TTC21B: variants seen among roughly 807,000 people sequenced by gnomAD.
The protein encoded by TTC21B is tetratricopeptide repeat protein 21B.
In TTC21B, 127 loss-of-function variants were observed where a neutral mutation model predicts 175.1. That is an observed-to-expected ratio of 0.73 (90% CI 0.63 to 0.84). The LOEUF (loss-of-function observed/expected upper bound fraction) is 0.84, where lower values mean the gene tolerates loss of function less well. Among genes scored for constraint, TTC21B ranks in the 40% least tolerant of loss-of-function variants. The pLI is 0.00. For synonymous variants in TTC21B, 524 were observed against 524.5 expected, an observed-to-expected ratio of 1.00 and a Z score of 0.01; for missense variants, 1,561 against 1,558.3, an observed-to-expected ratio of 1.00 and a Z score of -0.03.
At chr2:165,910,219 T>C (rs1041171684) in intron 18 of TTC21B, among the ~76,000 whole-genome samples, 1 of 151,910 alleles carries the variant, frequency 6.6e-6, no homozygotes. Flanking sequence ...CTGGCTAACA[T>C]GGTGAAAACT....
intron 27 of TTC21B, among the ~76,000 whole-genome samples, chr2:165,876,619 C>G (rs560853699): frequency 2.6e-5 from 4 of 152,334 alleles, no homozygotes; most frequent in African/African-American, 9.6e-5. Context: ...AGCACTTACA[C>G]AGGCAAACTG....
intron 26 of TTC21B, among the ~76,000 whole-genome samples, chr2:165,881,763 A>G (rs1684843964): frequency 6.6e-6 from 1 of 152,074 alleles, no homozygotes; most frequent in African/African-American, 2.4e-5. Context: ...ATATTTCTTA[A>G]TTGTAATTTT....
chr2:165,949,512 T>C lies in TTC21B; in HGVS notation c.152-8A>G. ...GAGCTTCTTGAGTTTTACCTGAAAA[T>C]CAAGATTATGATATGAAAAACTGTT... On this transcript the variant is annotated splice_region_variant and splice_polypyrimidine_tract_variant and intron_variant, in intron 2 of 28. Coordinates refer to ENST00000243344, the MANE Select transcript of TTC21B (RefSeq NM_024753.5). 1 of 1,613,612 alleles carries C rather than the reference T, an allele frequency of 6.2e-7. No individual in the cohort carries two copies. The highest frequency in any genetic ancestry group is 1.3e-5 in the African/African-American group (1 of 75,018).
At position 165,931,849 on chromosome 2, in the gene TTC21B, G is replaced by A. The variant is rs1443394764; in HGVS notation, c.803C>T (p.Thr268Ile). The A allele has an allele frequency of 6.2e-7, 1 of 1,612,068 alleles. No homozygotes were observed. Among genetic ancestry groups the A allele is most frequent in the Admixed American group, 1.7e-5 (1 of 59,938 alleles). ...CREGDIEKAS[T>I]KLENLGNTLD... Reference sequence around the variant, plus strand: ...TGTATTTCCCAAGTTTTCCAGCTTGGTGGAAGCCTAAAACAAAAGGAACTG... The same window carrying A: ...TGTATTTCCCAAGTTTTCCAGCTTGATGGAAGCCTAAAACAAAAGGAACTG... Residue 268 changes from threonine to isoleucine, a missense_variant, in exon 8 of 29, where the codon ACC (threonine) becomes ATC (isoleucine). Transcript: ENST00000243344.
chr2:165,940,920 A>G, intron 6 of TTC21B, 107 bp downstream of exon 6: 1 of 1,276,634 alleles, frequency 7.8e-7, no homozygotes, highest in Non-Finnish European at 1.1e-6. Context: ...ACACTGTTTG[A>G]AAAAAATCAA....
Position 165,883,955 on chromosome 2 carries a change from G to T in TTC21B, c.3523C>A (p.Arg1175=). 8 of 1,614,024 alleles carry T rather than the reference G, an allele frequency of 5.0e-6. No individual in the cohort carries two copies. The highest frequency in any genetic ancestry group is 5.9e-6 in the Non-Finnish European group (7 of 1,179,994). Residue 1175 remains arginine, a synonymous_variant, in exon 26 of 29, where the codon CGA becomes AGA. Coordinates refer to ENST00000243344, the MANE Select transcript of TTC21B (RefSeq NM_024753.5). ...ATACGCTTCAGCTGGTTTCTGGCTC[G>T]TGGAGTCTGTTTCAAGATCATATAA... ...TAYMILKQTP[R]ARNQLKRIAK...
chr2:165,917,203 T>C (rs1686206790), intron 14 of TTC21B, 54 bp downstream of exon 14: 1 of 1,499,898 alleles, frequency 6.7e-7, no homozygotes, highest in Non-Finnish European at 9.3e-7. Flanking sequence ...TACTAATATA[T>C]ATGTTAGAAT....
Position 165,890,651 on chromosome 2 carries a change from G to A in TTC21B, c.3102-11C>T, listed in dbSNP as rs1220728188. 1 of 1,612,344 alleles carries A rather than the reference G, an allele frequency of 6.2e-7. No individual in the cohort carries two copies. The highest frequency in any genetic ancestry group is 8.5e-7 in the Non-Finnish European group (1 of 1,178,758). On this transcript the variant is annotated splice_polypyrimidine_tract_variant and intron_variant, in intron 23 of 28. Transcript: ENST00000243344. ...GGTTCTCCAGTGTACCTTGTTAGAT[G>A]TTTAAAAGAATTATTTATTTCAATC...
chr2:165,952,839 G>A (rs997320098), intron 1 of TTC21B, among the ~76,000 whole-genome samples: 1 of 152,170 alleles, frequency 6.6e-6, no homozygotes, highest in African/African-American at 2.4e-5. Flanking sequence ...CTACTCAAAT[G>A]TAAGCTCCAA....
At chr2:165,921,958 T>C (rs1335471574) in intron 12 of TTC21B, among the ~76,000 whole-genome samples, 4 of 152,038 alleles carry the variant, frequency 2.6e-5, no homozygotes, top group African/African-American at 7.2e-5. Context: ...CATAGTCTTT[T>C]ATCCCTCCCT....
At chr2:165,909,686 C>T (rs1685863335) in intron 18 of TTC21B, among the ~76,000 whole-genome samples, 1 of 152,110 alleles carries the variant, frequency 6.6e-6, no homozygotes, top group Admixed American at 6.6e-5. Flanking sequence ...CTAGGAAGTA[C>T]AGAGAGGTAT....
intron 6 of TTC21B, among the ~76,000 whole-genome samples, chr2:165,934,536 C>G (rs1475525995): frequency 1.1e-5 from 1 of 92,238 alleles, no homozygotes; most frequent in Non-Finnish European, 2.2e-5. Flanking sequence ...AGAAACGAAA[C>G]ATGATGGAGA....
chr2:165,915,268 T>C lies in TTC21B; in HGVS notation c.2071A>G (p.Arg691Gly). 6.2e-7 allele frequency: 1 copy of C among 1,614,178 alleles called. No individual in the cohort carries two copies. Among genetic ancestry groups the C allele is most frequent in the Non-Finnish European group, 8.5e-7 (1 of 1,180,000 alleles). The change falls in exon 15 of 29, where the codon AGA becomes GGA. Residue 691 changes from arginine (R) to glycine (G), a missense_variant. By Grantham distance (125) the Arg-to-Gly change is moderately radical. Coordinates refer to ENST00000243344, the MANE Select transcript of TTC21B (RefSeq NM_024753.5). ...AGATAAATATCTGCCATTTTTTCTCTGGCCTCTATAAAATAAGGCTGTTCG... is the reference window on the plus strand; with the variant it reads ...AGATAAATATCTGCCATTTTTTCTCCGGCCTCTATAAAATAAGGCTGTTCG... Reference protein sequence around the residue: ...TAEQPYFIEAREKMADIYLKH... With the variant: ...TAEQPYFIEAGEKMADIYLKH...
chr2:165,933,168 A>T, intron 6 of TTC21B, 111 bp from the exon 7 acceptor site: 2 of 774,352 alleles, frequency 2.6e-6, no homozygotes, highest in Non-Finnish European at 4.2e-6. Context: ...CAAATAAGTA[A>T]TTTTCACTAG....
At chr2:165,901,937 T>TAA (rs79777167) in intron 19 of TTC21B, 27 bp from the exon 20 acceptor site, 168 of 1,282,334 alleles carry the variant, frequency 1.3e-4, no homozygotes, top group African/African-American at 1.9e-4. Context: ...TAAAAGGGAA[T>TAA]AAAAAAAAAA....
chr2:165,882,722 C>A (rs1250611014), intron 26 of TTC21B, among the ~76,000 whole-genome samples: 1 of 152,178 alleles, frequency 6.6e-6, no homozygotes, highest in Non-Finnish European at 1.5e-5. Flanking sequence ...ACCAGCAGGG[C>A]TGAATGAAGC....
At chr2:165,875,244 T>C (rs1684628350) in intron 28 of TTC21B, among the ~76,000 whole-genome samples, 1 of 150,740 alleles carries the variant, frequency 6.6e-6, no homozygotes, top group Non-Finnish European at 1.5e-5. Context: ...TTTCTAGTTC[T>C]ACTGAGTCTA....
At position 165,898,773 on chromosome 2, in the gene TTC21B, AAGAT is replaced by A. The variant is rs760955877; in HGVS notation, c.2869-10_2869-7del. The A allele has an allele frequency of 6.2e-7, 1 of 1,600,794 alleles. No individual in the cohort carries two copies. Among genetic ancestry groups the A allele is most frequent in the South Asian group, 1.1e-5 (1 of 90,854 alleles). On this transcript the variant is annotated splice_region_variant and splice_polypyrimidine_tract_variant and intron_variant, in intron 21 of 28. Transcript: ENST00000243344. The stretch of plus-strand genomic sequence containing the variant: ...AACATGAGATCAGCCATCATCTATA[AAGAT>A]AAAAGTTGGTTCTAAAAATATTGCC...
At chr2:165,933,495 A>T (rs1347815355) in intron 6 of TTC21B, among the ~76,000 whole-genome samples, 1 of 152,204 alleles carries the variant, frequency 6.6e-6, no homozygotes, top group African/African-American at 2.4e-5. Flanking sequence ...ATATTACATT[A>T]AAAAATCTTA....
Sources: gnomAD v4.1 joint callset for allele counts (sites outside exome capture counted in the v4.1 genomes callset) on GRCh38, gnomAD v4.1.1 for gene constraint, MANE v1.5 for transcripts, NCBI Gene and HGNC (gene_info 2026-07-23, HGNC 2026-07-21) for gene names.